CAST: variants seen among roughly 807,000 people sequenced by gnomAD.
CAST encodes MIR583 host.
In CAST, 76 loss-of-function variants were observed where a neutral mutation model predicts 119.6. That is an observed-to-expected ratio of 0.64 (90% confidence interval 0.53 to 0.77). The LOEUF (loss-of-function observed/expected upper bound fraction) is 0.77. CAST is among the 30% of genes least tolerant of loss of function. The pLI is 0.00. For missense variants in CAST, 953 were observed against 946.5 expected (o/e 1.01, Z -0.09); for synonymous variants, 319 against 331.6 (o/e 0.96, Z 0.41).
chr5:96,618,828 C>T (rs1747529066), intron 1 of CAST, among the ~76,000 whole-genome samples: 1 of 152,244 alleles, frequency 6.6e-6, no homozygotes, highest in African/African-American at 2.4e-5. Flanking sequence ...CTGAGCCTCC[C>T]CGACAGGCGC....
intron 1 of CAST, among the ~76,000 whole-genome samples, chr5:96,563,438 A>G: frequency 6.6e-6 from 1 of 152,194 alleles, no homozygotes; most frequent in South Asian, 2.1e-4. Flanking sequence ...AAGTTTGCGT[A>G]GTATTCCACT....
At chr5:96,517,899 T>C in the CAST span, among the ~76,000 whole-genome samples, 5 of 152,246 alleles carry the variant, frequency 3.3e-5, no homozygotes, top group African/African-American at 1.2e-4. Context: ...GAGACTGTGT[T>C]AAGCCCTTTG....
chr5:95,966,081 A>G, the CAST span, among the ~76,000 whole-genome samples: 19 of 152,116 alleles, frequency 1.2e-4, no homozygotes, highest in African/African-American at 4.6e-4. Flanking sequence ...ATAATCCTTT[A>G]GAGGCTCAAG....
chr5:96,353,166 A>G, the CAST span, among the ~76,000 whole-genome samples: 2 of 152,204 alleles, frequency 1.3e-5, no homozygotes, highest in African/African-American at 2.4e-5. Context: ...AAGCACATAA[A>G]CAAAAACCAA....
intron 25 of CAST, among the ~76,000 whole-genome samples, chr5:96,764,179 A>AT (rs1768993737): frequency 1.3e-5 from 2 of 152,152 alleles, no homozygotes; most frequent in South Asian, 4.1e-4. Context: ...AAAAATATGG[A>AT]TTTTGCTATA....
At chr5:96,523,733 T>C (rs1470351642), upstream of CAST, among the ~76,000 whole-genome samples, 3 of 152,212 alleles carry the variant, frequency 2.0e-5, no homozygotes, top group Admixed American at 2.0e-4. Context: ...GTCCACTGCA[T>C]GGCCCTGGGT....
intron 1 of CAST, among the ~76,000 whole-genome samples, chr5:96,572,585 T>G (rs1330115515): frequency 6.6e-6 from 1 of 152,200 alleles, no homozygotes; most frequent in African/African-American, 2.4e-5. Context: ...ACTATAATGC[T>G]AAAGAGAGTA....
chr5:96,703,333 C>A (rs1434812620), intron 3 of CAST, among the ~76,000 whole-genome samples: 3 of 152,140 alleles, frequency 2.0e-5, no homozygotes, highest in African/African-American at 7.2e-5. Flanking sequence ...TCCTCCTCCC[C>A]AGCCGTGCCG....
At chr5:96,030,061 C>G in the CAST span, among the ~76,000 whole-genome samples, 1 of 151,976 alleles carries the variant, frequency 6.6e-6, no homozygotes, top group Non-Finnish European at 1.5e-5. Context: ...AAAAGCAAGA[C>G]AAATATATTT....
chr5:96,719,614 A>G (rs1232816317), intron 3 of CAST, among the ~76,000 whole-genome samples: 5 of 152,222 alleles, frequency 3.3e-5, no homozygotes, highest in Non-Finnish European at 5.9e-5. Flanking sequence ...AGATAGGTAC[A>G]TGGGTCATTT....
chr5:96,264,296 A>G, the CAST span, among the ~76,000 whole-genome samples: 2 of 152,192 alleles, frequency 1.3e-5, no homozygotes, highest in Non-Finnish European at 2.9e-5. Flanking sequence ...TTCCTGGCAA[A>G]TGTCTTGGTG....
At chr5:96,062,482 G>T in the CAST span, among the ~76,000 whole-genome samples, 1 of 152,070 alleles carries the variant, frequency 6.6e-6, no homozygotes, top group African/African-American at 2.4e-5. Flanking sequence ...GAAGAATTTG[G>T]GCTTCCAGTC....
At chr5:96,108,998 C>T in the CAST span, among the ~76,000 whole-genome samples, 7 of 152,390 alleles carry the variant, frequency 4.6e-5, no homozygotes, top group East Asian at 1.4e-3. Flanking sequence ...CAGGTGCCGT[C>T]TGTCACCCCT....
chr5:96,627,131 G>A (rs1747738197), intron 1 of CAST, among the ~76,000 whole-genome samples: 1 of 152,208 alleles, frequency 6.6e-6, no homozygotes, highest in South Asian at 2.1e-4. Context: ...AGGCAGTATT[G>A]CAGAATGAGG....
intron 1 of CAST, among the ~76,000 whole-genome samples, chr5:96,555,947 G>T (rs535901897): frequency 6.6e-6 from 1 of 152,312 alleles, no homozygotes; most frequent in South Asian, 2.1e-4. Context: ...TAGCCTAACT[G>T]GGAGGCACCC....
At chr5:96,154,314 A>C in the CAST span, among the ~76,000 whole-genome samples, 2 of 152,034 alleles carry the variant, frequency 1.3e-5, no homozygotes, top group Admixed American at 6.6e-5. Context: ...AAAAAAACAT[A>C]ATGAATGAAT....
the CAST span, among the ~76,000 whole-genome samples, chr5:96,480,604 G>A: frequency 6.6e-6 from 1 of 152,124 alleles, no homozygotes; most frequent in Non-Finnish European, 1.5e-5. Context: ...GTGAGATATG[G>A]CCTAGAAATG....
chr5:96,543,303 G>A (rs1247800617), intron 1 of CAST, among the ~76,000 whole-genome samples: 1 of 152,130 alleles, frequency 6.6e-6, no homozygotes, highest in Non-Finnish European at 1.5e-5. Context: ...AGCACCACAT[G>A]TTCTCACTCA....
At chr5:96,765,517 C>G (rs779653108) in intron 26 of CAST, among the ~76,000 whole-genome samples, 192 bp downstream of exon 26, 1 of 151,988 alleles carries the variant, frequency 6.6e-6, no homozygotes, top group Non-Finnish European at 1.5e-5. Flanking sequence ...GACAGAGATA[C>G]CAGCGGAGCC....
Sources: gnomAD v4.1 joint callset for allele counts (sites outside exome capture counted in the v4.1 genomes callset) on GRCh38, gnomAD v4.1.1 for gene constraint, MANE v1.5 for transcripts, NCBI Gene and HGNC (gene_info 2026-07-23, HGNC 2026-07-21) for gene names.